PDK3: variants seen among roughly 807,000 people sequenced by gnomAD.
The protein encoded by PDK3 is pyruvate dehydrogenase kinase 3.
In PDK3, 12 loss-of-function variants were observed where a neutral mutation model predicts 32.0. The ratio of observed to expected loss-of-function variants is 0.37; its 90% CI spans 0.24 to 0.61. The LOEUF is 0.61. Among genes scored for constraint, PDK3 ranks in the 20% least tolerant of loss-of-function variants. The probability of loss-of-function intolerance (pLI) is 0.65; values close to 1 mark genes in which losing one functional copy is unlikely to be tolerated. For synonymous variants in PDK3, 122 were observed against 116.3 expected, an observed-to-expected ratio of 1.05 and a Z score of -0.31; for missense variants, 188 against 316.9, an observed-to-expected ratio of 0.59 and a Z score of 3.09.
chrX:24,501,254 A>G (rs953482235), intron 3 of PDK3, among the ~76,000 whole-genome samples: 3 of 68,553 alleles, frequency 4.4e-5, no homozygotes, highest in African/African-American at 1.1e-4. Flanking sequence ...TACAAACATA[A>G]CAAGTGTCAA....
At position 24,470,460 on chromosome X, in the gene PDK3, G is replaced by A. The variant is rs1920978775; in HGVS notation, c.106+4899G>A. ...CCAGCACTTTGGGAGGCCAAGGCAGGTGGATCACATGGGGTTGGGAGTTTG... is the reference window on the plus strand; with the variant it reads ...CCAGCACTTTGGGAGGCCAAGGCAGATGGATCACATGGGGTTGGGAGTTTG... On this transcript the variant is annotated intron_variant, in intron 1 of 10. Transcript: ENST00000379162. Among the ~76,000 whole-genome samples, 4 of 111,182 alleles carry A rather than the reference G, an allele frequency of 3.6e-5. No homozygotes were observed. In the South Asian group the frequency reaches 1.5e-3, roughly 41 times the overall value.
intron 1 of PDK3, among the ~76,000 whole-genome samples, chrX:24,475,503 A>T (rs1181209776): frequency 9.0e-6 from 1 of 110,664 alleles, no homozygotes; most frequent in Non-Finnish European, 1.9e-5. Context: ...ACAAAAAAAT[A>T]AAAAAATTAT....
intron 1 of PDK3, among the ~76,000 whole-genome samples, chrX:24,472,251 C>T (rs1437114277): frequency 8.9e-6 from 1 of 111,974 alleles, no homozygotes; most frequent in African/African-American, 3.2e-5. Flanking sequence ...ACTTGTCAGC[C>T]AGGAGACCTT....
At chrX:24,523,438 G>A (rs1174583042) in intron 6 of PDK3, among the ~76,000 whole-genome samples, 2 of 112,565 alleles carry the variant, frequency 1.8e-5, no homozygotes, top group African/African-American at 6.4e-5. Flanking sequence ...AGCAGAAGCA[G>A]CCACAGGGGA....
chrX:24,541,035 G>A (rs1331169660), exon 12 of PDK3, among the ~76,000 whole-genome samples: 1 of 102,957 alleles, frequency 9.7e-6, no homozygotes, highest in East Asian at 3.1e-4. Flanking sequence ...TCAGCCTCCC[G>A]AATAGCTGGG....
chrX:24,505,479 C>A (rs1313913314), intron 5 of PDK3, among the ~76,000 whole-genome samples, 181 bp downstream of exon 5: 1 of 111,788 alleles, frequency 8.9e-6, no homozygotes, highest in Non-Finnish European at 1.9e-5. Flanking sequence ...GCAGTTCTTT[C>A]TAGGCAGTTC....
intron 5 of PDK3, among the ~76,000 whole-genome samples, chrX:24,516,003 T>C (rs979776975): frequency 8.9e-6 from 1 of 111,802 alleles, no homozygotes; most frequent in Non-Finnish European, 1.9e-5. Flanking sequence ...GGAATCAGAA[T>C]TCTTACTCTG....
At chrX:24,497,866 A>T (rs1602111788) in intron 2 of PDK3, among the ~76,000 whole-genome samples, 1 of 112,252 alleles carries the variant, frequency 8.9e-6, no homozygotes, top group Admixed American at 9.4e-5. Context: ...TAATTGGAAT[A>T]TCTGAATCCC....
chrX:24,517,475 G>A (rs1055229523), intron 5 of PDK3, among the ~76,000 whole-genome samples: 2 of 112,088 alleles, frequency 1.8e-5, no homozygotes, highest in Non-Finnish European at 3.8e-5. Flanking sequence ...AGCCCACCTC[G>A]GCCTCCCAAA....
At chrX:24,503,767 C>T (rs1469706906) in intron 4 of PDK3, among the ~76,000 whole-genome samples, 1 of 112,467 alleles carries the variant, frequency 8.9e-6, no homozygotes, top group Non-Finnish European at 1.9e-5. Context: ...TCTGCTGATA[C>T]AGTCTTGATG....
At chrX:24,542,808 T>C (rs1922918716) in exon 12 of PDK3, among the ~76,000 whole-genome samples, 1 of 112,648 alleles carries the variant, frequency 8.9e-6, no homozygotes, top group Admixed American at 9.4e-5. Flanking sequence ...AGAGCTGATG[T>C]TTTTATCTTT....
chrX:24,502,435 A>G (rs1248690954), intron 3 of PDK3, among the ~76,000 whole-genome samples: 16 of 111,891 alleles, frequency 1.4e-4, no homozygotes, highest in African/African-American at 4.9e-4. Context: ...CCATTGACTG[A>G]CTTGTCTTAT....
chrX:24,491,566 G>A (rs1921562038), intron 1 of PDK3, among the ~76,000 whole-genome samples: 1 of 110,796 alleles, frequency 9.0e-6, no homozygotes. Flanking sequence ...CAGACACCAA[G>A]GGTAGGGGAT....
chrX:24,505,905 C>A (rs193262389), intron 5 of PDK3, among the ~76,000 whole-genome samples: 81 of 111,571 alleles, frequency 7.3e-4, no homozygotes, highest in African/African-American at 2.4e-3. Context: ...AGCGATCCAC[C>A]AGGTACCTCT....
intron 5 of PDK3, among the ~76,000 whole-genome samples, chrX:24,511,645 C>T (rs1247876707): frequency 1.8e-5 from 2 of 111,164 alleles, no homozygotes; most frequent in Non-Finnish European, 3.8e-5. Flanking sequence ...GTCAGGAGTT[C>T]GAGACCAGCC....
intron 8 of PDK3, 136 bp from the exon 9 acceptor site, chrX:24,527,940 G>T (rs746094251): frequency 9.8e-5 from 46 of 468,953 alleles, no homozygotes; most frequent in Non-Finnish European, 1.7e-4. Flanking sequence ...CAAAGGAACC[G>T]TATGTCACTG....
intron 2 of PDK3, among the ~76,000 whole-genome samples, chrX:24,495,294 C>T (rs1025703230): frequency 8.9e-6 from 1 of 112,192 alleles, no homozygotes; most frequent in Non-Finnish European, 1.9e-5. Flanking sequence ...ATATCAGTTC[C>T]CTCCTTTGCT....
exon 12 of PDK3, among the ~76,000 whole-genome samples, chrX:24,540,565 T>A (rs1922866073): frequency 8.9e-6 from 1 of 112,080 alleles, no homozygotes; most frequent in African/African-American, 3.2e-5. Context: ...TGCATTCCTG[T>A]TTCTCTTAGT....
exon 12 of PDK3, among the ~76,000 whole-genome samples, chrX:24,542,869 T>G (rs760894685): frequency 8.9e-6 from 1 of 112,469 alleles, no homozygotes; most frequent in Admixed American, 9.4e-5. Context: ...TATTTACAAA[T>G]GTATTCCTGT....
Sources: gnomAD v4.1 joint callset for allele counts (sites outside exome capture counted in the v4.1 genomes callset) on GRCh38, gnomAD v4.1.1 for gene constraint, MANE v1.5 for transcripts, NCBI Gene and HGNC (gene_info 2026-07-23, HGNC 2026-07-21) for gene names.